Variants in SGCD observed in about 807,000 individuals in gnomAD.
The protein encoded by SGCD is delta-sarcoglycan.
SGCD carries 18 observed loss-of-function variants against 36.6 expected under a neutral mutation model. The ratio of observed to expected loss-of-function variants is 0.49; its 90% CI spans 0.34 to 0.73. SGCD has a LOEUF of 0.73. SGCD is among the 30% of genes least tolerant of loss of function. The probability of loss-of-function intolerance (pLI) is 0.01; values close to 1 mark genes in which losing one functional copy is unlikely to be tolerated. For missense variants in SGCD, 387 were observed against 346.7 expected, an observed-to-expected ratio of 1.12 and a Z score of -0.92; for synonymous variants, 133 against 130.6, an observed-to-expected ratio of 1.02 and a Z score of -0.12.
At chr5:156,033,248 T>G (rs937985506) in intron 1 of SGCD, among the ~76,000 whole-genome samples, 1 of 152,110 alleles carries the variant, frequency 6.6e-6, no homozygotes, top group Non-Finnish European at 1.5e-5. Context: ...TAAAAAAATT[T>G]TAATATATTT....
At chr5:156,220,526 G>A (rs1249019753) in intron 3 of SGCD, among the ~76,000 whole-genome samples, 1 of 152,112 alleles carries the variant, frequency 6.6e-6, no homozygotes. Context: ...TATGAATGGT[G>A]GATTGAATAT....
intron 1 of SGCD, among the ~76,000 whole-genome samples, chr5:155,925,889 G>A (rs4444954): frequency 0.12 from 18,892 of 151,798 alleles, 1,588 homozygotes; most frequent in African/African-American, 0.24. Flanking sequence ...AGTGCTGGGA[G>A]TACAAAAGTG....
chr5:155,924,829 A>G (rs1756963145), intron 1 of SGCD, among the ~76,000 whole-genome samples: 1 of 152,162 alleles, frequency 6.6e-6, no homozygotes, highest in African/African-American at 2.4e-5. Context: ...TGCAAATAAG[A>G]GAATGTTTTA....
At chr5:155,785,014 A>G in the SGCD span, among the ~76,000 whole-genome samples, 4 of 152,132 alleles carry the variant, frequency 2.6e-5, no homozygotes, top group Admixed American at 1.3e-4. Flanking sequence ...AATATATCCC[A>G]TGACTCCTAT....
the SGCD span, among the ~76,000 whole-genome samples, chr5:155,745,262 G>A: frequency 1.3e-5 from 2 of 152,122 alleles, no homozygotes; most frequent in Admixed American, 1.3e-4. Context: ...AAAATAAACT[G>A]GTAAAAATGT....
chr5:156,219,278 G>C (rs1240335247), intron 3 of SGCD, among the ~76,000 whole-genome samples: 2 of 151,968 alleles, frequency 1.3e-5, no homozygotes, highest in Non-Finnish European at 2.9e-5. Context: ...ATAGAATTGG[G>C]GAAAAGTGAA....
intron 3 of SGCD, among the ~76,000 whole-genome samples, chr5:156,385,233 T>G (rs1771210564): frequency 6.6e-6 from 1 of 152,210 alleles, no homozygotes; most frequent in Non-Finnish European, 1.5e-5. Context: ...AGCTTCATTT[T>G]CTCTTTCTGT....
chr5:155,765,506 C>CAATCTAATAT, the SGCD span, among the ~76,000 whole-genome samples: 13 of 151,988 alleles, frequency 8.6e-5, no homozygotes, highest in East Asian at 2.5e-3. Flanking sequence ...GCCATATAGG[C>CAATCTAATAT]AATCTAATAT....
At chr5:155,785,840 A>G in the SGCD span, among the ~76,000 whole-genome samples, 1 of 152,224 alleles carries the variant, frequency 6.6e-6, no homozygotes, top group Non-Finnish European at 1.5e-5. Flanking sequence ...CAATAGAGCT[A>G]TAAATGAAGA....
At chr5:156,298,552 A>G (rs1394751333) in intron 3 of SGCD, among the ~76,000 whole-genome samples, 2 of 133,420 alleles carry the variant, frequency 1.5e-5, no homozygotes, top group Non-Finnish European at 3.3e-5. Flanking sequence ...CCTGTTTGCC[A>G]TTTGTTAAGT....
chr5:156,122,632 G>A (rs1282687921), intron 2 of SGCD, among the ~76,000 whole-genome samples: 3 of 151,774 alleles, frequency 2.0e-5, no homozygotes, highest in Non-Finnish European at 2.9e-5. Flanking sequence ...ACGGTGGTAA[G>A]AGAGATGCAT....
chr5:156,299,014 C>A (rs1369536160), intron 3 of SGCD, among the ~76,000 whole-genome samples: 1 of 152,132 alleles, frequency 6.6e-6, no homozygotes, highest in Non-Finnish European at 1.5e-5. Flanking sequence ...AATCTTTGCC[C>A]AGACCAATGT....
intron 3 of SGCD, among the ~76,000 whole-genome samples, chr5:156,152,149 C>G (rs1762848791): frequency 6.6e-6 from 1 of 151,456 alleles, no homozygotes; most frequent in South Asian, 2.1e-4. Context: ...AAAAACAAAA[C>G]AAAACAAATA....
the SGCD span, among the ~76,000 whole-genome samples, chr5:155,838,509 TA>T: frequency 6.6e-6 from 1 of 152,152 alleles, no homozygotes; most frequent in African/African-American, 2.4e-5. Context: ...GTGTATCTTG[TA>T]AATTGGAAGT....
At chr5:156,629,855 C>CTTTT (rs560099325) in intron 6 of SGCD, among the ~76,000 whole-genome samples, 21 of 85,606 alleles carry the variant, frequency 2.5e-4, no homozygotes, top group East Asian at 6.8e-4. Flanking sequence ...GAGACTTTTT[C>CTTTT]TTTTTTTTTT....
the SGCD span, among the ~76,000 whole-genome samples, chr5:155,843,099 G>T: frequency 2.6e-5 from 4 of 152,186 alleles, no homozygotes; most frequent in Admixed American, 1.3e-4. Flanking sequence ...GCTGGTCAAA[G>T]AGAAATGATT....
chr5:156,001,833 C>T (rs549416714), intron 1 of SGCD, among the ~76,000 whole-genome samples: 1 of 152,314 alleles, frequency 6.6e-6, no homozygotes, highest in East Asian at 1.9e-4. Flanking sequence ...TCCTGGCTGA[C>T]CCAGAAGGGC....
In SGCD at chr5:156,392,564, G is replaced by T. The variant is rs143379199; in HGVS notation, c.192+47887G>T. On this transcript the variant is annotated intron_variant, in intron 3 of 8. Coordinates refer to ENST00000337851, the MANE Select transcript of SGCD (RefSeq NM_000337.6). Reference sequence around the variant, plus strand: ...TGCTCTTTTAGTTTAACCATCATAGGCAGCTTGTGTTAGCTCAATTAGACC... The same window carrying T: ...TGCTCTTTTAGTTTAACCATCATAGTCAGCTTGTGTTAGCTCAATTAGACC... 3.9e-5 allele frequency among the ~76,000 whole-genome samples: 6 copies of T among 152,320 alleles called. No homozygotes were observed. In the South Asian group the frequency reaches 8.3e-4, roughly 21 times the overall value.
rs1056172824 is a variant in SGCD at position 156,057,357 on chromosome 5, T to A, written c.-281-60521T>A. Among the ~76,000 whole-genome samples the A allele has an allele frequency of 2.7e-5, 4 of 146,470 alleles. 1 individual carries two copies. Among genetic ancestry groups the A allele is most frequent in the Non-Finnish European group, 6.2e-5 (4 of 64,994 alleles). The stretch of plus-strand genomic sequence containing the variant: ...CTGGCAACAACCTAAAAGTCTATCA[T>A]CAGGGTCAAATGAGGAATTATGTTA... On this transcript the variant is annotated intron_variant, in intron 1 of 9. Coordinates refer to the SGCD transcript ENST00000517913.
Sources: allele counts gnomAD v4.1 joint callset (sites outside exome capture counted in the v4.1 genomes callset), GRCh38; gene constraint gnomAD v4.1.1; transcripts MANE v1.5; gene names NCBI Gene and HGNC (gene_info 2026-07-23, HGNC 2026-07-21).